The following SSBP2 variants were observed in gnomAD, a reference collection of about 807,000 sequenced individuals.
SSBP2 encodes the protein single-stranded DNA-binding protein 2.
Under a neutral mutation model 61.8 loss-of-function variants are expected in SSBP2, and 17 were observed. The observed-to-expected ratio is 0.28, with a 90% confidence interval of 0.19 to 0.41. The LOEUF (loss-of-function observed/expected upper bound fraction) is 0.41, where lower values mean the gene tolerates loss of function less well. SSBP2 is among the 10% of genes least tolerant of loss of function. The pLI, the probability that SSBP2 is intolerant of heterozygous loss-of-function variation, is 1.00. For synonymous variants in SSBP2, 139 were observed against 141.3 expected (o/e 0.98, Z 0.12); for missense variants, 310 against 458.7 (o/e 0.68, Z 2.96).
At chr5:81,572,492 T>C (rs1035241948) in intron 4 of SSBP2, among the ~76,000 whole-genome samples, 1 of 152,160 alleles carries the variant, frequency 6.6e-6, no homozygotes, top group Admixed American at 6.5e-5. Context: ...GGTAACTTAT[T>C]TACATTAGAT....
intron 10 of SSBP2, among the ~76,000 whole-genome samples, chr5:81,456,350 C>CTTTT (rs34736090): frequency 7.5e-6 from 1 of 133,496 alleles, no homozygotes; most frequent in Non-Finnish European, 1.6e-5. Flanking sequence ...CTATTTCTGC[C>CTTTT]TTTTTTTTTT....
intron 4 of SSBP2, among the ~76,000 whole-genome samples, chr5:81,542,817 T>TTCTCTCCCTCTCTCTCTC: frequency 9.4e-6 from 1 of 106,724 alleles, no homozygotes; most frequent in Non-Finnish European, 1.9e-5. Context: ...ATTTGACAGT[T>TTCTCTCCCTCTCTCTCTC]TCTCTCTCTC....
At chr5:81,596,777 G>C (rs1743790409) in intron 4 of SSBP2, among the ~76,000 whole-genome samples, 1 of 129,578 alleles carries the variant, frequency 7.7e-6, no homozygotes, top group South Asian at 2.8e-4. Context: ...GGGAAAACTG[G>C]CTAGCCACAT....
At chr5:81,555,395 C>T (rs1772516633) in intron 4 of SSBP2, among the ~76,000 whole-genome samples, 1 of 152,022 alleles carries the variant, frequency 6.6e-6, no homozygotes, top group Admixed American at 6.5e-5. Flanking sequence ...AGGGACTACT[C>T]ATATATTAGC....
chr5:81,664,216 G>A (rs987148144), intron 1 of SSBP2, among the ~76,000 whole-genome samples: 14 of 150,474 alleles, frequency 9.3e-5, no homozygotes, highest in East Asian at 2.0e-4. Context: ...TCTGCCTCCC[G>A]GGTTCTAGTG....
chr5:81,615,236 A>C, intron 4 of SSBP2: 1 of 355,754 alleles, frequency 2.8e-6, no homozygotes. Context: ...GCTTAAAGAT[A>C]AGAAATTTCT....
At chr5:81,737,376 C>A (rs1321085541) in intron 1 of SSBP2, among the ~76,000 whole-genome samples, 2 of 151,592 alleles carry the variant, frequency 1.3e-5, no homozygotes, top group Non-Finnish European at 2.9e-5. Context: ...AGGCTGTCCA[C>A]ATTTGACATC....
chr5:81,506,878 AATT>A (rs1172112453), intron 5 of SSBP2, among the ~76,000 whole-genome samples: 1 of 152,120 alleles, frequency 6.6e-6, no homozygotes, highest in African/African-American at 2.4e-5. Context: ...CATATTAAAT[AATT>A]ATTTTTCTCA....
intron 1 of SSBP2, among the ~76,000 whole-genome samples, chr5:81,652,247 T>A (rs554416669): frequency 2.0e-4 from 29 of 142,830 alleles, no homozygotes; most frequent in Middle Eastern, 3.4e-3. Flanking sequence ...TTCCTTTAAG[T>A]GAGTTACCTC....
chr5:81,478,100 G>A (rs1211127003), intron 6 of SSBP2, among the ~76,000 whole-genome samples: 1 of 152,074 alleles, frequency 6.6e-6, no homozygotes, highest in African/African-American at 2.4e-5. Flanking sequence ...GACTAAAAAT[G>A]TATGACTAAT....
chr5:81,498,098 A>C lies in SSBP2; in HGVS notation c.373-8789T>G, dbSNP rs569612575. On this transcript the variant is annotated intron_variant, in intron 5 of 16. Transcript: ENST00000320672. ...TCAGGTCTCAGAAACAACATATTTT[A>C]GTTGAAATATTTTCTTTCCATTAAG... Among the ~76,000 whole-genome samples, 6 of 152,244 alleles carry C rather than the reference A, an allele frequency of 3.9e-5. No individual in the cohort carries two copies. In the South Asian group the frequency reaches 1.2e-3, roughly 32 times the overall value.
rs78360700 is a variant in SSBP2 at position 81,476,220 on chromosome 5, T to C, written c.433-1658A>G. Among the ~76,000 whole-genome samples, 450 of 152,160 alleles carry C rather than the reference T, an allele frequency of 3.0e-3. 2 individuals carry two copies. Among genetic ancestry groups the C allele is most frequent in the African/African-American group, 0.011 (441 of 41,554 alleles). ...AAGAATATTTCCTACATAACCACCATACAGCCTTTCAAGTCAGGAAATCAA... is the reference window on the plus strand; with the variant it reads ...AAGAATATTTCCTACATAACCACCACACAGCCTTTCAAGTCAGGAAATCAA... On this transcript the variant is annotated intron_variant, in intron 6 of 16. Transcript: ENST00000320672.
intron 4 of SSBP2, among the ~76,000 whole-genome samples, chr5:81,542,153 C>T (rs943667299): frequency 6.6e-6 from 1 of 152,092 alleles, no homozygotes; most frequent in African/African-American, 2.4e-5. Context: ...GGCCAACAAA[C>T]ACATGAAAAA....
intron 1 of SSBP2, among the ~76,000 whole-genome samples, chr5:81,693,875 A>G (rs544685401): frequency 8.2e-4 from 125 of 152,262 alleles, no homozygotes; most frequent in African/African-American, 2.9e-3. Flanking sequence ...AGATACCTGC[A>G]CTCCCATATT....
chr5:81,502,606 A>G (rs1271980010), intron 5 of SSBP2, among the ~76,000 whole-genome samples: 1 of 152,214 alleles, frequency 6.6e-6, no homozygotes, highest in Non-Finnish European at 1.5e-5. Context: ...TGCATGTCTA[A>G]CAGCCATCTC....
Position 81,513,610 on chromosome 5 carries a change from C to A in SSBP2, c.372+18G>T, listed in dbSNP as rs774729300. On this transcript the variant is annotated intron_variant, in intron 5 of 16. Transcript: ENST00000320672. ...GTTCCTATGCTTTAACATTCCTAGT[C>A]AGAGTTTCTCTGAGTACCTGAAAGA... 3 of 1,489,738 alleles carry A rather than the reference C, an allele frequency of 2.0e-6. No individual in the cohort carries two copies. The highest frequency in any genetic ancestry group is 4.5e-5 in the East Asian group (2 of 44,272). 92.3% of individuals were successfully genotyped at this position (1,489,738 alleles called of 1,614,324 possible).
intron 1 of SSBP2, among the ~76,000 whole-genome samples, chr5:81,749,067 T>C (rs1420693693): frequency 6.6e-6 from 1 of 152,208 alleles, no homozygotes; most frequent in East Asian, 1.9e-4. Flanking sequence ...TAATGTGAAA[T>C]TCAAATATTC....
chr5:81,508,542 T>C (rs2154078531), intron 5 of SSBP2, among the ~76,000 whole-genome samples: 1 of 152,282 alleles, frequency 6.6e-6, no homozygotes, highest in African/African-American at 2.4e-5. Context: ...GTATGAACAA[T>C]GTCACAAATA....
At chr5:81,610,279 T>C (rs1745320974) in intron 4 of SSBP2, among the ~76,000 whole-genome samples, 1 of 152,144 alleles carries the variant, frequency 6.6e-6, no homozygotes, top group African/African-American at 2.4e-5. Context: ...AGAAGAATGA[T>C]CCTAAATTAT....
Sources: gnomAD v4.1 joint callset for allele counts (sites outside exome capture counted in the v4.1 genomes callset) on GRCh38, gnomAD v4.1.1 for gene constraint, MANE v1.5 for transcripts, NCBI Gene and HGNC (gene_info 2026-07-23, HGNC 2026-07-21) for gene names.